Variants in ABCB9 observed in about 807,000 individuals in gnomAD.
ABCB9 encodes the protein ABC-type oligopeptide transporter ABCB9.
ABCB9 carries 36 observed loss-of-function variants against 62.0 expected under a neutral mutation model. That is an observed-to-expected ratio of 0.58 (90% confidence interval 0.45 to 0.77). The LOEUF (loss-of-function observed/expected upper bound fraction) is 0.77, where lower values mean the gene tolerates loss of function less well. Among genes scored for constraint, ABCB9 ranks in the 30% least tolerant of loss-of-function variants. The pLI is 0.00. For missense variants in ABCB9, 943 were observed against 1,054.7 expected, an observed-to-expected ratio of 0.89 and a Z score of 1.47; for synonymous variants, 435 against 461.4, an observed-to-expected ratio of 0.94 and a Z score of 0.73.
At position 122,949,860 on chromosome 12, in the gene ABCB9, T is replaced by G; in HGVS notation, c.775A>C (p.Ile259Leu). ...IFTLIFARLN[I>L]RLRNCLFRSL... is the part of the protein sequence containing the mutation. ...CGGAAGAGACAGTTTCGAAGGCGAA[T>G]GTTCAGTCTGGCAAATATGAGGGTA... The change falls in exon 4 of 12, where the codon ATT (isoleucine) becomes CTT (leucine). Residue 259 changes from isoleucine to leucine, a missense_variant. Transcript: ENST00000280560. 6.2e-7 allele frequency: 1 copy of G among 1,614,188 alleles called. No homozygotes were observed. Among genetic ancestry groups the G allele is most frequent in the Non-Finnish European group, 8.5e-7 (1 of 1,180,020 alleles).
chr12:122,928,671 G>A (rs1241352374), downstream of ABCB9, among the ~76,000 whole-genome samples: 1 of 152,032 alleles, frequency 6.6e-6, no homozygotes, highest in African/African-American at 2.4e-5. Context: ...GGTGTCGGGT[G>A]CCTGGGCCCC....
chr12:122,924,124 A>G (rs1387945077), downstream of ABCB9, among the ~76,000 whole-genome samples: 1 of 152,070 alleles, frequency 6.6e-6, no homozygotes, highest in African/African-American at 2.4e-5. Flanking sequence ...TCTTCCTGGG[A>G]TTGGGGTCGT....
chr12:122,925,022 T>C (rs2034853005), downstream of ABCB9, among the ~76,000 whole-genome samples: 1 of 152,040 alleles, frequency 6.6e-6, no homozygotes, highest in South Asian at 2.1e-4. Context: ...GTTCAAGCAA[T>C]CCTCCCACTT....
chr12:122,924,562 C>G, downstream of ABCB9: 1 of 1,307,424 alleles, frequency 7.6e-7, no homozygotes, highest in South Asian at 1.6e-5. Flanking sequence ...TTACTGAGCA[C>G]ATACTATGTG....
chr12:122,966,148 C>G (rs561331765), intron 1 of ABCB9, 139 bp downstream of exon 1: 2 of 152,456 alleles, frequency 1.3e-5, no homozygotes, highest in South Asian at 4.1e-4. Context: ...GGGAGGGCTC[C>G]AGGGAGGCTC....
upstream of ABCB9, among the ~76,000 whole-genome samples, chr12:122,969,698 C>G (rs931353640): frequency 6.7e-6 from 1 of 149,830 alleles, no homozygotes; most frequent in Non-Finnish European, 1.5e-5. Context: ...GTCCATACCA[C>G]TGAACTCCAG....
Position 122,940,267 on chromosome 12 carries a change from CA to C in ABCB9, c.1586del (p.Leu529ArgfsTer6). On this transcript the variant is annotated frameshift_variant, in exon 9 of 12. Coordinates refer to ENST00000280560, the MANE Select transcript of ABCB9 (RefSeq NM_019625.4). LOFTEE classifies it high-confidence loss of function. This position sits in a 1 kb window ranked among gnomAD's most constrained non-coding sequence, Gnocchi z 4.8. ...TQVLQNVSFS[L>X]SPGKVTALVG... ...CCAGGGCCGTCACCTTGCCGGGGGA[CA>C]GGCTGAAGGAGACATTCTGCAAAGA... is the stretch of plus-strand genomic sequence containing the variant. 1 of 1,602,688 alleles carries C rather than the reference CA, an allele frequency of 6.2e-7. No individual in the cohort carries two copies. The highest frequency in any genetic ancestry group is 1.1e-5 in the South Asian group (1 of 89,550).
rs2035084243 is a variant in ABCB9, at chr12:122,930,278, T to G, written c.2041-107A>C. 8.7e-7 allele frequency: 1 copy of G among 1,150,536 alleles called. No homozygotes were observed. The highest frequency in any genetic ancestry group is 1.5e-5 in the African/African-American group (1 of 64,584). 71.3% of individuals were successfully genotyped at this position (1,150,536 alleles called of 1,614,324 possible). ...ATGCTTAACCTCTCTGAGGCTCAGT[T>G]CACAAACGATGGCCAGCTTCCTGGG... On this transcript the variant is annotated intron_variant, in intron 11 of 11. Transcript: ENST00000280560. This position sits in a 1 kb window ranked among gnomAD's most constrained non-coding sequence, Gnocchi z 4.9.
Position 122,940,007 on chromosome 12 carries a change from G to C in ABCB9, c.1743+104C>G. The stretch of plus-strand genomic sequence containing the variant: ...GTAATTGGTGATAATTCTTTGAACT[G>C]TCCATTTATCTCTAGTGCCCTCTTC... On this transcript the variant is annotated intron_variant, in intron 9 of 11. Transcript: ENST00000280560. The surrounding 1 kb of genome is among the most constrained non-coding windows in gnomAD (Gnocchi z 4.8). 7.2e-7 allele frequency: 1 copy of C among 1,395,684 alleles called. No homozygotes were observed. The highest frequency in any genetic ancestry group is 9.7e-7 in the Non-Finnish European group (1 of 1,031,154). 86.5% of individuals were successfully genotyped at this position (1,395,684 alleles called of 1,614,324 possible).
At chr12:122,969,914 G>A (rs2037251488), upstream of ABCB9, among the ~76,000 whole-genome samples, 1 of 152,134 alleles carries the variant, frequency 6.6e-6, no homozygotes, top group South Asian at 2.1e-4. Flanking sequence ...TTGCTGCTGG[G>A]AATGCAAAAC....
intron 6 of ABCB9, among the ~76,000 whole-genome samples, chr12:122,945,675 CG>C (rs2035994614): frequency 6.6e-6 from 1 of 151,990 alleles, no homozygotes; most frequent in South Asian, 2.1e-4. Context: ...CTCAGGAGTT[CG>C]AGACCAGCCT....
chr12:122,935,329 C>A lies in ABCB9; in HGVS notation c.1846G>T (p.Ala616Ser), dbSNP rs757258308. 11 of 1,613,588 alleles carry A rather than the reference C, an allele frequency of 6.8e-6. No individual in the cohort carries two copies. The South Asian group carries it at 8.8e-5, about 13-fold the overall frequency. Residue 616 changes from alanine (A) to serine (S), a missense_variant, in exon 10 of 12, where the codon GCA (alanine) becomes TCA (serine). Ala to Ser is a moderately conservative substitution (Grantham distance 99, BLOSUM62 1). Transcript: ENST00000280560. ...TVPFEMVVEA[A>S]QKANAHGFIM... ...AAGCCGTGGGCATTGGCCTTCTGTG[C>A]GGCCTCCACCACCATCTCGAAAGGC...
chr12:122,941,644 TATAA>T (rs1405860450), intron 7 of ABCB9, among the ~76,000 whole-genome samples: 2 of 152,042 alleles, frequency 1.3e-5, no homozygotes, highest in African/African-American at 4.8e-5. Flanking sequence ...TAATGTGTAC[TATAA>T]ATAAATATAT....
rs3803002 is a variant in ABCB9, at chr12:122,959,875, C to G, written c.361G>C (p.Val121Leu). 6.2e-7 allele frequency: 1 copy of G among 1,613,544 alleles called. No individual in the cohort carries two copies. The highest frequency in any genetic ancestry group is 2.2e-5 in the East Asian group (1 of 44,882). Reference sequence around the variant, plus strand: ...GCGCCGAGTGAAATGTACGTCCACACGAACAGGGCCCAAAACCAGGGGTCC... The same window carrying G: ...GCGCCGAGTGAAATGTACGTCCACAGGAACAGGGCCCAAAACCAGGGGTCC... ...IRDPWFWALF[V>L]WTYISLGASF... The change falls in exon 2 of 12, where the codon GTG becomes CTG. Residue 121 changes from valine (V) to leucine (L), a missense_variant. Transcript: ENST00000280560. The surrounding 1 kb of genome is among the most constrained non-coding windows in gnomAD (Gnocchi z 5.4).
chr12:122,927,956 A>G (rs1310851106), downstream of ABCB9, among the ~76,000 whole-genome samples: 1 of 152,202 alleles, frequency 6.6e-6, no homozygotes, highest in East Asian at 1.9e-4. Flanking sequence ...TCCTAAAATC[A>G]AAAAGGAAGT....
At position 122,929,296 on chromosome 12, in the gene ABCB9, A is replaced by G; in HGVS notation, c.*615T>C. The G allele has an allele frequency of 1.0e-6, 1 of 985,990 alleles. No individual in the cohort carries two copies. Among genetic ancestry groups the G allele is most frequent in the Non-Finnish European group, 1.2e-6 (1 of 830,050 alleles). 61.1% of individuals were successfully genotyped at this position (985,990 alleles called of 1,614,324 possible). A position where few individuals can be genotyped will look rare whatever the true frequency, so the allele number is the denominator to read the frequency against. ...CCAGTTGAGGTTTCGTGTGGTTCACAGTGAGACTGGCTTAGATTGGCAGCG... is the reference window on the plus strand; with the variant it reads ...CCAGTTGAGGTTTCGTGTGGTTCACGGTGAGACTGGCTTAGATTGGCAGCG... On this transcript the variant is annotated 3_prime_UTR_variant, in exon 12 of 12. Coordinates refer to ENST00000280560, the MANE Select transcript of ABCB9 (RefSeq NM_019625.4). This position sits in a 1 kb window ranked among gnomAD's most constrained non-coding sequence, Gnocchi z 6.0.
chr12:122,948,521 A>G, intron 5 of ABCB9, 103 bp downstream of exon 5: 1 of 1,086,958 alleles, frequency 9.2e-7, no homozygotes, highest in Non-Finnish European at 1.3e-6. Flanking sequence ...CAGCCTCAAG[A>G]CCTGTCCTTC....
At chr12:122,939,861 T>G in intron 9 of ABCB9, 1 of 458,090 alleles carries the variant, frequency 2.2e-6, no homozygotes, top group Non-Finnish European at 3.8e-6. Flanking sequence ...AGACGGAGTC[T>G]CACTATGTTG....
chr12:122,962,334 T>A (rs1171541644), intron 1 of ABCB9, among the ~76,000 whole-genome samples: 1 of 152,104 alleles, frequency 6.6e-6, no homozygotes, highest in Non-Finnish European at 1.5e-5. Flanking sequence ...CCTTTTGTTG[T>A]CATATCTGCA....
Sources: gnomAD v4.1 joint callset for allele counts (sites outside exome capture counted in the v4.1 genomes callset) on GRCh38, gnomAD v4.1.1 for gene constraint, Gnocchi (gnomAD v3.1) non-coding constraint, MANE v1.5 for transcripts, NCBI Gene and HGNC (gene_info 2026-07-23, HGNC 2026-07-21) for gene names.